Variants in ADARB2 observed in about 807,000 individuals in gnomAD.
The protein encoded by ADARB2 is adenosine deaminase RNA specific B2 (inactive).
Under a neutral mutation model 62.2 loss-of-function variants are expected in ADARB2, and 25 were observed. The ratio of observed to expected loss-of-function variants is 0.40; its 90% CI spans 0.29 to 0.56. The LOEUF (loss-of-function observed/expected upper bound fraction) is 0.56. Ranked by LOEUF, ADARB2 falls within the 20% of genes least tolerant of loss-of-function variation. The pLI is 0.43. For synonymous variants in ADARB2, 572 were observed against 500.8 expected (o/e 1.14, Z -1.90); for missense variants, 1,071 against 1,077.4 (o/e 0.99, Z 0.08).
At chr10:1,572,972 C>T (rs1481408343) in intron 1 of ADARB2, among the ~76,000 whole-genome samples, 2 of 152,252 alleles carry the variant, frequency 1.3e-5, no homozygotes, top group Admixed American at 6.5e-5. Flanking sequence ...ACATCCACTG[C>T]CCCCGAGTGC....
intron 7 of ADARB2, among the ~76,000 whole-genome samples, chr10:1,204,153 C>G (rs1167954957): frequency 6.6e-6 from 1 of 152,180 alleles, no homozygotes; most frequent in Non-Finnish European, 1.5e-5. Flanking sequence ...CTTCTTCCTC[C>G]CACCTTTTGA....
intron 3 of ADARB2, among the ~76,000 whole-genome samples, chr10:1,305,661 C>T (rs1303761055): frequency 1.3e-5 from 2 of 151,602 alleles, no homozygotes; most frequent in Non-Finnish European, 3.0e-5. Context: ...CAATAAAATA[C>T]TGGCAAACCG....
intron 4 of ADARB2, among the ~76,000 whole-genome samples, chr10:1,259,504 G>T (rs1831113412): frequency 6.6e-6 from 1 of 152,192 alleles, no homozygotes; most frequent in Admixed American, 6.5e-5. Flanking sequence ...ACTACCATTA[G>T]AGAATACTAT....
chr10:1,357,326 CCTCT>C (rs1252879786), intron 3 of ADARB2, among the ~76,000 whole-genome samples: 1 of 152,144 alleles, frequency 6.6e-6, no homozygotes, highest in Non-Finnish European at 1.5e-5. Flanking sequence ...ATATCCGTGA[CCTCT>C]CTGAGTGCTC....
At chr10:1,518,690 A>T (rs879455114) in intron 1 of ADARB2, among the ~76,000 whole-genome samples, 6 of 151,214 alleles carry the variant, frequency 4.0e-5, no homozygotes, top group Admixed American at 2.0e-4. Context: ...GTCTGTACAC[A>T]AAGTGGTCAT....
At chr10:1,710,782 C>T (rs558489004) in intron 1 of ADARB2, among the ~76,000 whole-genome samples, 3 of 152,252 alleles carry the variant, frequency 2.0e-5, no homozygotes, top group South Asian at 4.1e-4. Context: ...CCTTCAGCTT[C>T]GTCTTTACTG....
In ADARB2 at chr10:1,255,044, A is replaced by T. The variant is rs116361156; in HGVS notation, c.1193-12745T>A. Among the ~76,000 whole-genome samples the T allele has an allele frequency of 3.4e-3, 513 of 152,270 alleles. 2 individuals are homozygous for T. Among genetic ancestry groups the T allele is most frequent in the African/African-American group, 0.012 (484 of 41,554 alleles). On this transcript the variant is annotated intron_variant, in intron 4 of 9. Coordinates refer to ENST00000381312, the MANE Select transcript of ADARB2 (RefSeq NM_018702.4). This position sits in a 1 kb window ranked among gnomAD's most constrained non-coding sequence, Gnocchi z 4.7. ...ACATACTCATTAATTTCCTTATAAA[A>T]TGCTCCCAGAGGACATGCCACCCTC...
chr10:1,569,439 T>C (rs1832907133), intron 1 of ADARB2, among the ~76,000 whole-genome samples: 1 of 152,198 alleles, frequency 6.6e-6, no homozygotes, highest in African/African-American at 2.4e-5. Flanking sequence ...GATGGGCAGT[T>C]GGGGAGCAAT....
intron 1 of ADARB2, among the ~76,000 whole-genome samples, chr10:1,417,626 G>A (rs1368107026): frequency 6.6e-6 from 1 of 152,234 alleles, no homozygotes; most frequent in Non-Finnish European, 1.5e-5. Context: ...AGGAGTCTGT[G>A]CTCTCTTTTG....
At chr10:1,444,340 TCCACTCAC>T in intron 1 of ADARB2, among the ~76,000 whole-genome samples, 2 of 2,404 alleles carry the variant, frequency 8.3e-4, no homozygotes, top group South Asian at 0.021. Flanking sequence ...CACCCAGCCA[TCCACTCAC>T]CCATCCACTC....
chr10:1,246,083 G>A (rs1362786933), intron 4 of ADARB2, among the ~76,000 whole-genome samples: 4 of 151,664 alleles, frequency 2.6e-5, no homozygotes, highest in Non-Finnish European at 5.9e-5. Flanking sequence ...TTTTTCTGAT[G>A]GCCAGTGATG....
In ADARB2 at chr10:1,566,082, A is replaced by C. The variant is rs11250631; in HGVS notation, c.100+170969T>G. On this transcript the variant is annotated intron_variant, in intron 1 of 9. Transcript: ENST00000381312. ...GTCTAGCAAAAAAAAAAAAAAAAAAAAAAAAAAAAAAAAAAAAAAAAAAAA... is the reference window on the plus strand; with the variant it reads ...GTCTAGCAAAAAAAAAAAAAAAAAACAAAAAAAAAAAAAAAAAAAAAAAAA... Among the ~76,000 whole-genome samples the C allele has an allele frequency of 3.4e-3, 253 of 73,814 alleles. 11 individuals are homozygous for C. The highest frequency in any genetic ancestry group is 9.0e-3 in the African/African-American group (201 of 22,226). The allele number at this position is 73,814 out of a possible 152,430, so 48.4% of individuals were successfully genotyped here. A position where few individuals can be genotyped will look rare whatever the true frequency, so the allele number is the denominator to read the frequency against.
At chr10:1,556,588 G>C (rs747554669) in intron 1 of ADARB2, 1 of 459,850 alleles carries the variant, frequency 2.2e-6, no homozygotes, top group Admixed American at 2.4e-5. Flanking sequence ...CTGAGCATTT[G>C]CTTTTTTCTG....
Position 1,184,647 on chromosome 10 carries a change from C to T in ADARB2, c.2043+214G>A, listed in dbSNP as rs539618298. 1.1e-4 allele frequency among the ~76,000 whole-genome samples: 16 copies of T among 152,358 alleles called. No homozygotes were observed. In the East Asian group the frequency reaches 2.9e-3, roughly 28 times the overall value. On this transcript the variant is annotated intron_variant, in intron 9 of 9. Transcript: ENST00000381312. ...TCCTTTCCTGCTTCTGCAGCTCCAG[C>T]CTGGTCTGGGGGCGGTGCCTGGGGT... is the stretch of plus-strand genomic sequence containing the variant.
chr10:1,670,158 T>C (rs1171080970), intron 1 of ADARB2, among the ~76,000 whole-genome samples: 1 of 152,230 alleles, frequency 6.6e-6, no homozygotes, highest in Non-Finnish European at 1.5e-5. Context: ...ATCTTTATAA[T>C]CCAGCCAATA....
intron 1 of ADARB2, among the ~76,000 whole-genome samples, chr10:1,451,850 T>G (rs1831044421): frequency 6.6e-6 from 1 of 152,226 alleles, no homozygotes; most frequent in Non-Finnish European, 1.5e-5. Flanking sequence ...CATGAGATCA[T>G]GAGAGACATC....
chr10:1,243,722 C>T (rs1236268292), intron 4 of ADARB2, among the ~76,000 whole-genome samples: 2 of 152,258 alleles, frequency 1.3e-5, no homozygotes, highest in African/African-American at 4.8e-5. Context: ...CCCCATGGCT[C>T]TGCAGCTGGG....
intron 1 of ADARB2, among the ~76,000 whole-genome samples, chr10:1,695,702 GT>G (rs1834731783): frequency 6.6e-6 from 1 of 152,154 alleles, no homozygotes; most frequent in South Asian, 2.1e-4. Context: ...GTGTGTGCAT[GT>G]ATGCAAACAT....
chr10:1,518,172 C>G (rs1178156149), intron 1 of ADARB2, among the ~76,000 whole-genome samples: 1 of 152,200 alleles, frequency 6.6e-6, no homozygotes, highest in African/African-American at 2.4e-5. Context: ...ACTCCCCGAT[C>G]AGATCAGAAG....
Sources: allele counts gnomAD v4.1 joint callset (sites outside exome capture counted in the v4.1 genomes callset), GRCh38; gene constraint gnomAD v4.1.1; non-coding constraint Gnocchi (gnomAD v3.1); transcripts MANE v1.5; gene names NCBI Gene and HGNC (gene_info 2026-07-23, HGNC 2026-07-21).